KLHL8: variants seen among roughly 807,000 people sequenced by gnomAD.
The protein encoded by KLHL8 is kelch like family member 8.
KLHL8 carries 38 observed loss-of-function variants against 63.5 expected under a neutral mutation model. The observed-to-expected ratio is 0.60, with a 90% CI of 0.46 to 0.78. The LOEUF (loss-of-function observed/expected upper bound fraction) is 0.78, where lower values mean the gene tolerates loss of function less well. Among genes scored for constraint, KLHL8 ranks in the 30% least tolerant of loss-of-function variants. KLHL8 has a pLI of 0.00. For missense variants in KLHL8, 566 were observed against 752.4 expected (o/e 0.75, Z 2.90); for synonymous variants, 224 against 254.3 (o/e 0.88, Z 1.13).
At chr4:87,174,248 G>A (rs965836770) in intron 6 of KLHL8, among the ~76,000 whole-genome samples, 1 of 150,886 alleles carries the variant, frequency 6.6e-6, no homozygotes, top group Non-Finnish European at 1.5e-5. Context: ...ATATATGTGT[G>A]TATGTGTGTG....
intron 1 of KLHL8, chr4:87,207,787 G>A: frequency 1.1e-6 from 1 of 911,356 alleles, no homozygotes; most frequent in Non-Finnish European, 1.8e-6. Context: ...GGCCTTCTGT[G>A]TCACCACTGC....
At chr4:87,210,336 C>T (rs1164962126) in intron 1 of KLHL8, among the ~76,000 whole-genome samples, 2 of 152,082 alleles carry the variant, frequency 1.3e-5, no homozygotes, top group Non-Finnish European at 2.9e-5. Flanking sequence ...AAAAACTTAG[C>T]CAGGCATGGT....
At chr4:87,212,063 G>C (rs1732426628) in intron 1 of KLHL8, among the ~76,000 whole-genome samples, 2 of 152,032 alleles carry the variant, frequency 1.3e-5, no homozygotes, top group African/African-American at 4.8e-5. Context: ...TGATCAATGA[G>C]AATATTTAAA....
Position 87,185,329 on chromosome 4 carries a change from C to G in KLHL8, c.687G>C (p.Gln229His), listed in dbSNP as rs979486403. Reference sequence around the variant, plus strand: ...GCCACTTGATGGCAGCATTATAGACCTGCTTTTCATTTTCAATATTTAGAT... The same window carrying G: ...GCCACTTGATGGCAGCATTATAGACGTGCTTTTCATTTTCAATATTTAGAT... ...SSDLNIENEK[Q>H]VYNAAIKWLL... The change falls in exon 3 of 10, where the codon CAG (glutamine) becomes CAC (histidine). Residue 229 changes from glutamine to histidine, a missense_variant. Physicochemically the swap from Gln to His is conservative, Grantham distance 24 (BLOSUM62 0). Coordinates refer to ENST00000273963, the MANE Select transcript of KLHL8 (RefSeq NM_020803.5). 17 of 1,614,024 alleles carry G rather than the reference C, an allele frequency of 1.1e-5. No homozygotes were observed. The highest frequency in any genetic ancestry group is 1.4e-5 in the Non-Finnish European group (17 of 1,180,032).
At chr4:87,213,022 A>G (rs1175898063) in intron 1 of KLHL8, among the ~76,000 whole-genome samples, 1 of 152,198 alleles carries the variant, frequency 6.6e-6, no homozygotes, top group Non-Finnish European at 1.5e-5. Context: ...GTTAAATACT[A>G]ATGTCATTTC....
intron 1 of KLHL8, among the ~76,000 whole-genome samples, chr4:87,200,381 A>G (rs1223689648): frequency 6.6e-6 from 1 of 152,302 alleles, no homozygotes; most frequent in East Asian, 1.9e-4. Flanking sequence ...CTTTTAAATT[A>G]TCTCTAGATT....
At chr4:87,239,630 A>G (rs7674452) in intron 1 of KLHL8, among the ~76,000 whole-genome samples, 29,929 of 151,990 alleles carry the variant, frequency 0.2, 3,303 homozygotes, top group African/African-American at 0.29. Context: ...CCTCCTTCAA[A>G]TAATCCAGAA....
Position 87,170,213 on chromosome 4 carries a change from T to C in KLHL8, c.1403A>G (p.Asn468Ser). The C allele has an allele frequency of 6.2e-7, 1 of 1,613,488 alleles. No individual in the cohort carries two copies. ...LVNHVYAVGG[N>S]DGMASLSSVE... The stretch of plus-strand genomic sequence containing the variant: ...GCTAGATAAAGAAGCCATTCCATCA[T>C]TGCCACCTACTGCATAAACATGGTT... Residue 468 changes from asparagine (N) to serine (S), a missense_variant, in exon 8 of 10, where the codon AAT (asparagine) becomes AGT (serine). Coordinates refer to ENST00000273963, the MANE Select transcript of KLHL8 (RefSeq NM_020803.5).
chr4:87,204,705 C>T (rs1732048414), intron 1 of KLHL8, among the ~76,000 whole-genome samples: 1 of 152,158 alleles, frequency 6.6e-6, no homozygotes, highest in African/African-American at 2.4e-5. Context: ...ACAGGCCAGT[C>T]TCAGTAGGTT....
chr4:87,200,078 C>T (rs1578388128), intron 1 of KLHL8, among the ~76,000 whole-genome samples: 1 of 137,852 alleles, frequency 7.3e-6, no homozygotes, highest in South Asian at 2.3e-4. Flanking sequence ...GAATTCAAGG[C>T]TGCAGTGAGC....
intron 2 of KLHL8, among the ~76,000 whole-genome samples, chr4:87,189,043 T>C (rs576117466): frequency 2.0e-5 from 3 of 152,328 alleles, no homozygotes; most frequent in South Asian, 2.1e-4. Context: ...GGAACAAGAA[T>C]AGGTTCAAAG....
At chr4:87,200,138 CAAAA>C (rs61605160) in intron 1 of KLHL8, among the ~76,000 whole-genome samples, 77 of 73,716 alleles carry the variant, frequency 1.0e-3, no homozygotes, top group Non-Finnish European at 1.5e-3. Flanking sequence ...GAGACTGCCT[CAAAA>C]AAAAAAAAAA....
At chr4:87,166,014 C>T (rs1298620228) in intron 8 of KLHL8, among the ~76,000 whole-genome samples, 1 of 152,088 alleles carries the variant, frequency 6.6e-6, no homozygotes, top group East Asian at 1.9e-4. Context: ...TTATTCCTGT[C>T]GACATATAAC....
rs895065646 is a variant in KLHL8, at chr4:87,203,440, G to A, written c.-151-7750C>T. Among the ~76,000 whole-genome samples, 58 of 151,308 alleles carry A rather than the reference G, an allele frequency of 3.8e-4. 1 individual carries two copies. ...AGCTACTCAGGAGGCTGAGGCAGGA[G>A]AATGGCGTGAACCTGGGAGGCGGAG... On this transcript the variant is annotated intron_variant, in intron 1 of 9. Coordinates refer to ENST00000273963, the MANE Select transcript of KLHL8 (RefSeq NM_020803.5).
At position 87,234,436 on chromosome 4, in the gene KLHL8, CA is replaced by C. The variant is rs35074980; in HGVS notation, n.57+5821del. ...CTGGCAACAGAGTGAGTCTCTGTCT[CA>C]AAAAAAAAAAAAAAGATTATAGTGG... On this transcript the variant is annotated intron_variant and non_coding_transcript_variant, in intron 1 of 1. Transcript: ENST00000506274. Among the ~76,000 whole-genome samples, 365 of 131,742 alleles carry C rather than the reference CA, an allele frequency of 2.8e-3. 1 individual carries two copies. The highest frequency in any genetic ancestry group is 4.1e-3 in the African/African-American group (145 of 35,426). 86.4% of individuals were successfully genotyped at this position (131,742 alleles called of 152,430 possible). A position where few individuals can be genotyped will look rare whatever the true frequency, so the allele number is the denominator to read the frequency against.
rs1294067804 is a variant in KLHL8, at chr4:87,160,796, G to C, written c.*2723C>G. On this transcript the variant is annotated 3_prime_UTR_variant, in exon 10 of 10. Coordinates refer to ENST00000273963, the MANE Select transcript of KLHL8 (RefSeq NM_020803.5). ...TTTTCATGATTTATTTTGTCCATTT[G>C]CAATTTCAGTATTTTAGCTCTATCT... The C allele has an allele frequency of 2.0e-5, 3 of 152,054 alleles. No homozygotes were observed. Among genetic ancestry groups the C allele is most frequent in the African/African-American group, 7.2e-5 (3 of 41,406 alleles). 9.4% of individuals were successfully genotyped at this position (152,054 alleles called of 1,614,324 possible).
intron 8 of KLHL8, among the ~76,000 whole-genome samples, chr4:87,168,773 TGTATATATATA>T (rs1291959605): frequency 7.4e-6 from 1 of 135,032 alleles, no homozygotes; most frequent in East Asian, 2.2e-4. Context: ...TATATATATG[TGTATATATATA>T]CGTATATATA....
chr4:87,236,970 G>T (rs1440757099), intron 1 of KLHL8, among the ~76,000 whole-genome samples: 3 of 152,076 alleles, frequency 2.0e-5, no homozygotes, highest in African/African-American at 7.2e-5. Flanking sequence ...AGTCTGTATT[G>T]TGTCTAAAAT....
chr4:87,163,558 A>C lies in KLHL8; in HGVS notation c.1824T>G (p.Asp608Glu). The change falls in exon 10 of 10, where the codon GAT becomes GAG. Residue 608 changes from aspartate to glutamate, a missense_variant. Coordinates refer to ENST00000273963, the MANE Select transcript of KLHL8 (RefSeq NM_020803.5). ...VCSCLTSQIR[D>E]VGHGSNNVVD... Reference sequence around the variant, plus strand: ...CCACATTATTGGATCCATGACCTACATCTCGAATTTGGCTAGTTAAACAGG... The same window carrying C: ...CCACATTATTGGATCCATGACCTACCTCTCGAATTTGGCTAGTTAAACAGG... The C allele has an allele frequency of 1.2e-6, 2 of 1,614,188 alleles. No homozygotes were observed. The highest frequency in any genetic ancestry group is 2.2e-5 in the South Asian group (2 of 91,086).
Sources: allele counts gnomAD v4.1 joint callset (sites outside exome capture counted in the v4.1 genomes callset), GRCh38; gene constraint gnomAD v4.1.1; transcripts MANE v1.5; gene names NCBI Gene and HGNC (gene_info 2026-07-23, HGNC 2026-07-21).